Variants in CHRM2 observed in about 807,000 individuals in gnomAD.
CHRM2 encodes the protein muscarinic acetylcholine receptor M2.
Under a neutral mutation model 25.0 loss-of-function variants are expected in CHRM2, and 8 were observed. The ratio of observed to expected loss-of-function variants is 0.32; its 90% CI spans 0.19 to 0.58. The LOEUF is 0.58. Among genes scored for constraint, CHRM2 ranks in the 20% least tolerant of loss-of-function variants. CHRM2 has a pLI of 0.88. For synonymous variants in CHRM2, 202 were observed against 205.7 expected, an observed-to-expected ratio of 0.98 and a Z score of 0.15; for missense variants, 440 against 567.1, an observed-to-expected ratio of 0.78 and a Z score of 2.28.
intron 2 of CHRM2, among the ~76,000 whole-genome samples, chr7:136,969,584 C>T (rs1327431988): frequency 6.6e-6 from 1 of 152,154 alleles, no homozygotes; most frequent in Non-Finnish European, 1.5e-5. Flanking sequence ...TGCACACATT[C>T]TTGTCTTCTG....
intron 3 of CHRM2, among the ~76,000 whole-genome samples, chr7:136,996,310 A>G (rs1441592723): frequency 6.6e-6 from 1 of 152,126 alleles, no homozygotes; most frequent in Non-Finnish European, 1.5e-5. Flanking sequence ...ATGTAAAAAC[A>G]TCTATAAAAA....
At chr7:136,891,434 T>G (rs921412450) in intron 2 of CHRM2, among the ~76,000 whole-genome samples, 12 of 152,188 alleles carry the variant, frequency 7.9e-5, no homozygotes, top group African/African-American at 2.9e-4. Context: ...CTGGTTAGAA[T>G]GGGGTGATGG....
chr7:136,981,514 T>C (rs1218827643), intron 2 of CHRM2, among the ~76,000 whole-genome samples: 1 of 152,112 alleles, frequency 6.6e-6, no homozygotes, highest in Non-Finnish European at 1.5e-5. Context: ...CTTGCTCTTG[T>C]TTCTCTACTT....
At chr7:136,993,212 G>A (rs189368214) in intron 3 of CHRM2, among the ~76,000 whole-genome samples, 186 of 152,246 alleles carry the variant, frequency 1.2e-3, no homozygotes, top group African/African-American at 3.8e-3. Context: ...CAGTGAGAGA[G>A]AGGGAGAGAG....
intron 2 of CHRM2, among the ~76,000 whole-genome samples, chr7:136,890,980 T>C (rs1412781615): frequency 6.6e-6 from 1 of 152,202 alleles, no homozygotes; most frequent in Non-Finnish European, 1.5e-5. Context: ...TCTCACCTTA[T>C]AAACGATCCA....
intron 2 of CHRM2, chr7:136,906,789 T>A (rs1017472461): frequency 6.6e-6 from 1 of 151,752 alleles, no homozygotes; most frequent in African/African-American, 2.4e-5. Context: ...GAAGATAATT[T>A]TTCTAGAAAC....
chr7:136,918,857 C>T (rs1056208424), intron 2 of CHRM2, among the ~76,000 whole-genome samples: 2 of 152,034 alleles, frequency 1.3e-5, no homozygotes, highest in African/African-American at 2.4e-5. Flanking sequence ...GAGAGAACTG[C>T]AAACTGAGGT....
intron 2 of CHRM2, among the ~76,000 whole-genome samples, chr7:136,884,059 A>G (rs1477138661): frequency 1.3e-5 from 2 of 152,186 alleles, no homozygotes. Context: ...ATTTTTAAAA[A>G]ATAATGGTGA....
intron 2 of CHRM2, among the ~76,000 whole-genome samples, chr7:136,895,169 T>A (rs563756887): frequency 6.6e-6 from 1 of 152,352 alleles, no homozygotes; most frequent in East Asian, 1.9e-4. Context: ...ATTTTCATAA[T>A]ATTAGTCTTT....
At chr7:136,871,956 G>T (rs1474251180) in intron 2 of CHRM2, 1 of 152,146 alleles carries the variant, frequency 6.6e-6, no homozygotes, top group Non-Finnish European at 1.5e-5. Flanking sequence ...CAATGGATAA[G>T]CAACTTCCTA....
chr7:137,004,092 G>C (rs1804256184), intron 3 of CHRM2, among the ~76,000 whole-genome samples: 1 of 152,050 alleles, frequency 6.6e-6, no homozygotes, highest in African/African-American at 2.4e-5. Context: ...ATACAATTGT[G>C]CTTCAAGGAA....
intron 2 of CHRM2, among the ~76,000 whole-genome samples, chr7:136,952,258 T>C (rs1298534759): frequency 1.3e-5 from 2 of 152,230 alleles, no homozygotes; most frequent in Non-Finnish European, 2.9e-5. Flanking sequence ...TATGCCATGT[T>C]CTCTCACTAC....
chr7:136,905,796 C>T (rs1035328355), intron 2 of CHRM2, among the ~76,000 whole-genome samples: 7 of 150,932 alleles, frequency 4.6e-5, no homozygotes, highest in Non-Finnish European at 1.0e-4. Context: ...TCAATATTTT[C>T]TCCCACATAT....
intron 2 of CHRM2, among the ~76,000 whole-genome samples, chr7:136,942,713 G>C (rs1799843947): frequency 6.6e-6 from 1 of 152,180 alleles, no homozygotes; most frequent in African/African-American, 2.4e-5. Context: ...CTGTGGTGAA[G>C]AGGAAAGCAG....
At chr7:136,920,890 C>G (rs1266618339) in intron 2 of CHRM2, among the ~76,000 whole-genome samples, 1 of 152,054 alleles carries the variant, frequency 6.6e-6, no homozygotes, top group Non-Finnish European at 1.5e-5. Context: ...TTCTCCTTCC[C>G]AAGGAGACGT....
At chr7:136,960,168 G>A (rs1800984132) in intron 2 of CHRM2, among the ~76,000 whole-genome samples, 1 of 152,180 alleles carries the variant, frequency 6.6e-6, no homozygotes, top group Non-Finnish European at 1.5e-5. Context: ...GCAGGCAAAT[G>A]TATTTCTCTG....
At chr7:136,963,656 A>G (rs899041026) in intron 2 of CHRM2, among the ~76,000 whole-genome samples, 2 of 152,122 alleles carry the variant, frequency 1.3e-5, no homozygotes, top group African/African-American at 4.8e-5. Context: ...GCTCCCCTCT[A>G]GAGATATGGG....
chr7:136,896,028 C>T (rs1584711555), intron 2 of CHRM2, among the ~76,000 whole-genome samples: 1 of 152,084 alleles, frequency 6.6e-6, no homozygotes, highest in Non-Finnish European at 1.5e-5. Context: ...TAGTGTTATA[C>T]AGACTTGTTT....
At chr7:136,877,450 G>A (rs1452158489) in intron 2 of CHRM2, among the ~76,000 whole-genome samples, 1 of 151,494 alleles carries the variant, frequency 6.6e-6, no homozygotes, top group Non-Finnish European at 1.5e-5. Flanking sequence ...CCTTTCATTC[G>A]TTTAATATCT....
Sources: gnomAD v4.1 joint callset for allele counts (sites outside exome capture counted in the v4.1 genomes callset) on GRCh38, gnomAD v4.1.1 for gene constraint, MANE v1.5 for transcripts, NCBI Gene and HGNC (gene_info 2026-07-23, HGNC 2026-07-21) for gene names.